The following TMEM266 variants were observed in gnomAD, a reference collection of about 807,000 sequenced individuals.
TMEM266 encodes the protein transmembrane protein 266.
Under a neutral mutation model 50.5 loss-of-function variants are expected in TMEM266, and 33 were observed. The ratio of observed to expected loss-of-function variants is 0.65; its 90% CI spans 0.50 to 0.87. The LOEUF (loss-of-function observed/expected upper bound fraction) is 0.87, where lower values mean the gene tolerates loss of function less well. Ranked by LOEUF, TMEM266 falls within the 40% of genes least tolerant of loss-of-function variation. TMEM266 has a pLI of 0.00. For missense variants in TMEM266, 655 were observed against 695.1 expected, an observed-to-expected ratio of 0.94 and a Z score of 0.65; for synonymous variants, 310 against 292.3, an observed-to-expected ratio of 1.06 and a Z score of -0.62.
Position 76,080,396 on chromosome 15 carries a change from T to A in TMEM266, c.-97+20380T>A, listed in dbSNP as rs113228218. On this transcript the variant is annotated intron_variant, in intron 1 of 10. Coordinates refer to ENST00000388942, the MANE Select transcript of TMEM266 (RefSeq NM_152335.3). ...CCTCCTGAGTAGCTGAGATTACAGG[T>A]ATGCACCACCACGCCTGGCTAATTT... 1.7e-3 allele frequency among the ~76,000 whole-genome samples: 255 copies of A among 145,922 alleles called. 4 individuals are homozygous for A. The highest frequency in any genetic ancestry group is 6.3e-3 in the African/African-American group (247 of 39,516).
intron 9 of TMEM266, among the ~76,000 whole-genome samples, chr15:76,194,404 G>A (rs1435043889): frequency 1.3e-5 from 2 of 152,162 alleles, no homozygotes; most frequent in Admixed American, 1.3e-4. Flanking sequence ...ACCATACCGT[G>A]ATTGTTCCAA....
rs547458867 is a variant in TMEM266, at chr15:76,139,594, T to G, written c.227+1699T>G. Among the ~76,000 whole-genome samples, 35 of 152,354 alleles carry G rather than the reference T, an allele frequency of 2.3e-4. 1 individual carries two copies. The highest frequency in any genetic ancestry group is 4.6e-4 in the Non-Finnish European group (31 of 68,042). On this transcript the variant is annotated intron_variant, in intron 3 of 10. Transcript: ENST00000388942. This position sits in a 1 kb window ranked among gnomAD's most constrained non-coding sequence, Gnocchi z 4.1. ...GAAATTCTTAAGGAGCCCCACATTT[T>G]CACTGGGCTCTGCAAATGATGTAGC... is the stretch of plus-strand genomic sequence containing the variant.
chr15:76,131,026 A>G (rs1159850303), intron 1 of TMEM266, among the ~76,000 whole-genome samples: 1 of 152,214 alleles, frequency 6.6e-6, no homozygotes, highest in Non-Finnish European at 1.5e-5. Context: ...GGTCCATGAA[A>G]GTAATGACCT....
At chr15:76,125,318 T>C (rs914717225) in intron 1 of TMEM266, among the ~76,000 whole-genome samples, 7 of 151,926 alleles carry the variant, frequency 4.6e-5, no homozygotes, top group African/African-American at 1.7e-4. Context: ...TTTCTGCACA[T>C]CAAAGGAAAC....
At chr15:76,111,409 G>A (rs527426483) in intron 1 of TMEM266, among the ~76,000 whole-genome samples, 11 of 151,176 alleles carry the variant, frequency 7.3e-5, no homozygotes, top group Admixed American at 2.0e-4. Context: ...TAACCTGTTA[G>A]CCAACCTTTG....
chr15:76,121,605 T>C (rs1379103807), intron 1 of TMEM266, among the ~76,000 whole-genome samples: 1 of 152,040 alleles, frequency 6.6e-6, no homozygotes, highest in Non-Finnish European at 1.5e-5. Flanking sequence ...TTAGTAGAGG[T>C]GGGGTTTCAC....
At chr15:76,105,775 G>A (rs1279503216) in intron 1 of TMEM266, among the ~76,000 whole-genome samples, 2 of 152,210 alleles carry the variant, frequency 1.3e-5, no homozygotes, top group South Asian at 2.1e-4. Context: ...AGGGGCTCAG[G>A]AAATGTTTGA....
intron 1 of TMEM266, among the ~76,000 whole-genome samples, chr15:76,099,725 T>C (rs1227195853): frequency 6.6e-6 from 1 of 152,150 alleles, no homozygotes; most frequent in Non-Finnish European, 1.5e-5. Context: ...GGAGACGTAT[T>C]TGATTGCCAA....
chr15:76,123,646 T>A (rs2037376524), intron 1 of TMEM266, among the ~76,000 whole-genome samples: 1 of 152,196 alleles, frequency 6.6e-6, no homozygotes, highest in African/African-American at 2.4e-5. Flanking sequence ...CCCTCCCTGC[T>A]TCTTCCTTGC....
chr15:76,144,975 A>G (rs1351775914), intron 3 of TMEM266, among the ~76,000 whole-genome samples: 4 of 152,144 alleles, frequency 2.6e-5, no homozygotes, highest in Non-Finnish European at 4.4e-5. Flanking sequence ...TCTCTGCACC[A>G]TTCTCATGAA....
At chr15:76,172,324 T>A (rs1327157140) in intron 7 of TMEM266, among the ~76,000 whole-genome samples, 1 of 152,234 alleles carries the variant, frequency 6.6e-6, no homozygotes, top group African/African-American at 2.4e-5. Flanking sequence ...CTGAGGCACC[T>A]CTAAGAAACT....
intron 1 of TMEM266, among the ~76,000 whole-genome samples, chr15:76,133,820 A>C (rs529801459): frequency 6.6e-6 from 1 of 152,360 alleles, no homozygotes; most frequent in African/African-American, 2.4e-5. Context: ...CCTTATTTTG[A>C]AGCCTCTCAA....
chr15:76,093,010 A>G lies in TMEM266; in HGVS notation c.-97+32994A>G, dbSNP rs1445612480. On this transcript the variant is annotated intron_variant, in intron 1 of 10. Transcript: ENST00000388942. ...TTTAGTAGAGACGGGGTTTCACCATATTGGTCAGGCTGGTCTCGAACTCCT... is the reference window on the plus strand; with the variant it reads ...TTTAGTAGAGACGGGGTTTCACCATGTTGGTCAGGCTGGTCTCGAACTCCT... 5.3e-5 allele frequency among the ~76,000 whole-genome samples: 8 copies of G among 150,924 alleles called. No homozygotes were observed. In the East Asian group the frequency reaches 1.6e-3, roughly 30 times the overall value.
intron 1 of TMEM266, among the ~76,000 whole-genome samples, chr15:76,098,379 G>A (rs1297549814): frequency 3.9e-5 from 6 of 152,142 alleles, no homozygotes; most frequent in African/African-American, 7.2e-5. Flanking sequence ...GACCACTCCC[G>A]ACCCTGTTTG....
At chr15:76,124,008 C>T (rs765639297) in intron 1 of TMEM266, among the ~76,000 whole-genome samples, 12 of 152,106 alleles carry the variant, frequency 7.9e-5, no homozygotes, top group Non-Finnish European at 1.5e-4. Context: ...CCACCGTGTC[C>T]GGTCCCAAGG....
In TMEM266 at chr15:76,137,820, C is replaced by T; in HGVS notation, c.152C>T (p.Pro51Leu). ...GTGAACTTTGCCTATCGGGACTTGC[C>T]CCTGGCTGCTGTCGATCTCTCCACG... Residue 51 changes from proline to leucine, a missense_variant, in exon 3 of 11, where the codon CCC becomes CTC. Coordinates refer to ENST00000388942, the MANE Select transcript of TMEM266 (RefSeq NM_152335.3). 3.7e-6 allele frequency: 6 copies of T among 1,613,628 alleles called. No homozygotes were observed. The highest frequency in any genetic ancestry group is 5.1e-6 in the Non-Finnish European group (6 of 1,179,780).
intron 9 of TMEM266, among the ~76,000 whole-genome samples, chr15:76,197,966 TAGTC>T (rs1222817140): frequency 6.6e-6 from 1 of 152,140 alleles, no homozygotes; most frequent in Non-Finnish European, 1.5e-5. Flanking sequence ...TTAGGAGGAT[TAGTC>T]AGGTTGGGTT....
intron 1 of TMEM266, among the ~76,000 whole-genome samples, chr15:76,080,131 C>T (rs968272059): frequency 1.3e-5 from 2 of 150,298 alleles, no homozygotes; most frequent in Non-Finnish European, 3.0e-5. Flanking sequence ...CTTTGGGAGG[C>T]CAAGACGGGC....
In TMEM266 at chr15:76,160,054, T is replaced by TTTGGTCCTTA. The variant is rs2037993415; in HGVS notation, c.383-40_383-39insTGGTCCTTAT. 6.3e-7 allele frequency: 1 copy of TTTGGTCCTTA among 1,594,058 alleles called. No homozygotes were observed. Among genetic ancestry groups the TTTGGTCCTTA allele is most frequent in the Admixed American group, 1.7e-5 (1 of 59,938 alleles). The stretch of plus-strand genomic sequence containing the variant: ...GAAGCCCCCATAGCAACGCACCTAA[T>TTTGGTCCTTA]TCCTCACTCCTAAAATTGGTCCTTA... On this transcript the variant is annotated intron_variant, in intron 4 of 10. Transcript: ENST00000388942. This position sits in a 1 kb window ranked among gnomAD's most constrained non-coding sequence, Gnocchi z 5.7.
Sources: allele counts gnomAD v4.1 joint callset (sites outside exome capture counted in the v4.1 genomes callset), GRCh38; gene constraint gnomAD v4.1.1; non-coding constraint Gnocchi (gnomAD v3.1); transcripts MANE v1.5; gene names NCBI Gene and HGNC (gene_info 2026-07-23, HGNC 2026-07-21).